NXN: variants seen among roughly 807,000 people sequenced by gnomAD.
The protein encoded by NXN is nucleoredoxin.
Under a neutral mutation model 48.6 loss-of-function variants are expected in NXN, and 16 were observed. The observed-to-expected ratio is 0.33, with a 90% CI of 0.22 to 0.50. The LOEUF is 0.50. Ranked by LOEUF, NXN falls within the 20% of genes least tolerant of loss-of-function variation. NXN has a pLI of 0.98. For missense variants in NXN, 492 were observed against 605.5 expected, an observed-to-expected ratio of 0.81 and a Z score of 1.97; for synonymous variants, 281 against 269.6, an observed-to-expected ratio of 1.04 and a Z score of -0.41.
intron 5 of NXN, among the ~76,000 whole-genome samples, chr17:808,682 T>TG (rs1388816371): frequency 6.7e-6 from 1 of 149,812 alleles, no homozygotes; most frequent in Non-Finnish European, 1.5e-5. Flanking sequence ...ACCAGTTTTT[T>TG]TTTTTTTTTT....
chr17:950,113 G>A (rs911372961), intron 1 of NXN, among the ~76,000 whole-genome samples: 2 of 152,126 alleles, frequency 1.3e-5, no homozygotes, highest in South Asian at 2.1e-4. Context: ...TTACAAATTC[G>A]GTGCCCTGTG....
In NXN at chr17:919,595, C is replaced by A. The variant is rs139986263; in HGVS notation, c.360+59724G>T. On this transcript the variant is annotated intron_variant, in intron 1 of 7. Coordinates refer to ENST00000336868, the MANE Select transcript of NXN (RefSeq NM_022463.5). This position sits in a 1 kb window ranked among gnomAD's most constrained non-coding sequence, Gnocchi z 5.1. Reference sequence around the variant, plus strand: ...CTCGTATCGTGGGTTACAGAACCTACGTCGTCCTCGGAATCCCCGCATTCG... The same window carrying A: ...CTCGTATCGTGGGTTACAGAACCTAAGTCGTCCTCGGAATCCCCGCATTCG... 1.3e-5 allele frequency among the ~76,000 whole-genome samples: 2 copies of A among 152,064 alleles called. No homozygotes were observed. The highest frequency in any genetic ancestry group is 2.1e-4 in the South Asian group (1 of 4,820).
chr17:825,393 T>A lies in NXN; in HGVS notation c.478+568A>T, dbSNP rs529200840. Reference sequence around the variant, plus strand: ...GGGAGGAGATCTCACAGCCCTGTTCTCACTCACTGCCAGAGGGAAAGACGC... The same window carrying A: ...GGGAGGAGATCTCACAGCCCTGTTCACACTCACTGCCAGAGGGAAAGACGC... On this transcript the variant is annotated intron_variant, in intron 2 of 7. Coordinates refer to ENST00000336868, the MANE Select transcript of NXN (RefSeq NM_022463.5). This position sits in a 1 kb window ranked among gnomAD's most constrained non-coding sequence, Gnocchi z 4.1. 6.6e-6 allele frequency among the ~76,000 whole-genome samples: 1 copy of A among 152,254 alleles called. No homozygotes were observed. Among genetic ancestry groups the A allele is most frequent in the East Asian group, 1.9e-4 (1 of 5,174 alleles).
intron 1 of NXN, among the ~76,000 whole-genome samples, chr17:973,016 G>C (rs1230465854): frequency 2.0e-5 from 3 of 150,660 alleles, no homozygotes; most frequent in Non-Finnish European, 4.4e-5. Flanking sequence ...GGGCGACAGA[G>C]CGAGACTGCG....
At chr17:828,877 A>G (rs183721366) in intron 1 of NXN, among the ~76,000 whole-genome samples, 2 of 150,388 alleles carry the variant, frequency 1.3e-5, no homozygotes, top group African/African-American at 4.9e-5. Context: ...AGGAAGATTA[A>G]AATGATTGAA....
intron 1 of NXN, among the ~76,000 whole-genome samples, chr17:967,168 A>G (rs1260869123): frequency 6.6e-6 from 1 of 152,186 alleles, no homozygotes; most frequent in Admixed American, 6.5e-5. Context: ...CTCCAGCTAC[A>G]CAGGTGTGGA....
chr17:957,505 G>A (rs777001964), intron 1 of NXN, among the ~76,000 whole-genome samples: 14 of 151,972 alleles, frequency 9.2e-5, no homozygotes, highest in Non-Finnish European at 1.8e-4. Flanking sequence ...GGTGGTGCAC[G>A]CCTGTAGTCC....
intron 5 of NXN, among the ~76,000 whole-genome samples, chr17:809,726 C>T (rs1365533635): frequency 7.6e-6 from 1 of 131,176 alleles, no homozygotes; most frequent in Admixed American, 8.3e-5. Flanking sequence ...ATGGTCCTTA[C>T]AAAGACCATA....
At chr17:891,850 T>C (rs1443520002) in intron 1 of NXN, among the ~76,000 whole-genome samples, 28 of 36,634 alleles carry the variant, frequency 7.6e-4, no homozygotes, top group Admixed American at 2.0e-3. Flanking sequence ...CCCCACCATG[T>C]ACAGCCCAAC....
chr17:819,129 T>C, intron 5 of NXN: 1 of 361,318 alleles, frequency 2.8e-6, no homozygotes, highest in Non-Finnish European at 5.3e-6. Context: ...GTATTTTTAG[T>C]AGAGACCGGG....
At chr17:827,065 G>T (rs1597635521) in intron 1 of NXN, among the ~76,000 whole-genome samples, 1 of 152,216 alleles carries the variant, frequency 6.6e-6, no homozygotes, top group East Asian at 1.9e-4. Context: ...ATAATTAAAT[G>T]CAATGTCGGG....
chr17:874,245 C>T (rs1328515257), intron 1 of NXN, among the ~76,000 whole-genome samples: 1 of 152,174 alleles, frequency 6.6e-6, no homozygotes, highest in Admixed American at 6.6e-5. Flanking sequence ...TTCCCGAGGC[C>T]TCCCCAGCCC....
At chr17:939,024 C>T (rs1378002559) in intron 1 of NXN, among the ~76,000 whole-genome samples, 1 of 151,758 alleles carries the variant, frequency 6.6e-6, no homozygotes, top group Non-Finnish European at 1.5e-5. Flanking sequence ...TGCACTCCAG[C>T]CTGGGCGACA....
chr17:915,661 G>T (rs910156047), intron 1 of NXN, among the ~76,000 whole-genome samples: 1 of 152,190 alleles, frequency 6.6e-6, no homozygotes, highest in Non-Finnish European at 1.5e-5. Flanking sequence ...GAGCTTTGGT[G>T]CAGGAGGAAA....
chr17:889,751 GAAAGAAAGAAAA>G (rs748568443), intron 1 of NXN, among the ~76,000 whole-genome samples: 4,394 of 84,114 alleles, frequency 0.052, 209 homozygotes, highest in African/African-American at 0.15. Flanking sequence ...AAGAAAGAAA[GAAAGAAAGAAAA>G]AGAAAGAAAG....
intron 1 of NXN, among the ~76,000 whole-genome samples, chr17:948,526 T>C (rs2069071171): frequency 6.6e-6 from 1 of 152,042 alleles, no homozygotes; most frequent in African/African-American, 2.4e-5. Context: ...GCTGTGGAAC[T>C]GTACAGGGCC....
At chr17:924,070 G>GTT (rs535263185) in intron 1 of NXN, among the ~76,000 whole-genome samples, 19 of 142,760 alleles carry the variant, frequency 1.3e-4, no homozygotes, top group African/African-American at 1.0e-4. Context: ...TTCTCAAAAA[G>GTT]TTTTTTTTTT....
intron 1 of NXN, chr17:842,471 G>T: frequency 4.1e-6 from 4 of 980,950 alleles, no homozygotes; most frequent in South Asian, 4.7e-5. Context: ...GGCCACGTGG[G>T]TTACTGGGGA....
chr17:883,478 C>A (rs2068307715), intron 1 of NXN, among the ~76,000 whole-genome samples: 1 of 152,204 alleles, frequency 6.6e-6, no homozygotes, highest in Non-Finnish European at 1.5e-5. Context: ...GCCTACATCA[C>A]CTCCATGACC....
Sources: gnomAD v4.1 joint callset for allele counts (sites outside exome capture counted in the v4.1 genomes callset) on GRCh38, gnomAD v4.1.1 for gene constraint, Gnocchi (gnomAD v3.1) non-coding constraint, MANE v1.5 for transcripts, NCBI Gene and HGNC (gene_info 2026-07-23, HGNC 2026-07-21) for gene names.